Variants in SLC25A12 observed in about 807,000 individuals in gnomAD.
The protein encoded by SLC25A12 is solute carrier family 25 member 12.
A neutral mutation model predicts 83.3 loss-of-function variants in SLC25A12; 32 were observed. The observed-to-expected ratio is 0.38, with a 90% CI of 0.29 to 0.52. SLC25A12 has a LOEUF of 0.52. Ranked by LOEUF, SLC25A12 falls within the 20% of genes least tolerant of loss-of-function variation. SLC25A12 has a pLI of 0.84. For synonymous variants in SLC25A12, 267 were observed against 291.1 expected (o/e 0.92, Z 0.84); for missense variants, 611 against 835.6 (o/e 0.73, Z 3.31).
intron 8 of SLC25A12, among the ~76,000 whole-genome samples, chr2:171,827,610 T>C (rs1684333065): frequency 6.6e-6 from 1 of 152,156 alleles, no homozygotes; most frequent in East Asian, 1.9e-4. Context: ...CCCCGGAAGA[T>C]TTGCAACTAG....
chr2:171,794,766 T>C (rs1202575873), intron 13 of SLC25A12, among the ~76,000 whole-genome samples: 2 of 152,196 alleles, frequency 1.3e-5, no homozygotes, highest in South Asian at 2.1e-4. Context: ...TATTATGTAA[T>C]CATAACCATA....
At chr2:171,830,596 C>T (rs967543358) in intron 8 of SLC25A12, among the ~76,000 whole-genome samples, 3 of 152,170 alleles carry the variant, frequency 2.0e-5, no homozygotes, top group Non-Finnish European at 1.5e-5. Flanking sequence ...TCACTGCAAC[C>T]TCCACCTCCC....
At chr2:171,874,737 G>A (rs1685529029) in intron 2 of SLC25A12, among the ~76,000 whole-genome samples, 1 of 152,106 alleles carries the variant, frequency 6.6e-6, no homozygotes, top group South Asian at 2.1e-4. Context: ...CAACAATGTG[G>A]ATGCAGCTGG....
Position 171,868,675 on chromosome 2 carries a change from A to C in SLC25A12, c.209+6T>G. ...TAGTTTTCAGAAAATGCATGAAGAT[A>C]CTTACCCATCCTTGGTTTGATCAGC... On this transcript the variant is annotated splice_donor_region_variant and intron_variant, in intron 3 of 17. Coordinates refer to ENST00000422440, the MANE Select transcript of SLC25A12 (RefSeq NM_003705.5). The C allele has an allele frequency of 6.2e-7, 1 of 1,613,446 alleles. No individual in the cohort carries two copies. The highest frequency in any genetic ancestry group is 8.5e-7 in the Non-Finnish European group (1 of 1,179,378).
intron 15 of SLC25A12, among the ~76,000 whole-genome samples, chr2:171,789,272 A>G (rs1158420724): frequency 6.6e-6 from 1 of 152,028 alleles, no homozygotes; most frequent in Non-Finnish European, 1.5e-5. Context: ...TCTGTCGCCC[A>G]GGCTGGAGTG....
rs539561836 is a variant in SLC25A12, at chr2:171,885,434, C to T, written c.66+7771G>A. On this transcript the variant is annotated intron_variant, in intron 2 of 17. Coordinates refer to ENST00000422440, the MANE Select transcript of SLC25A12 (RefSeq NM_003705.5). ...GTGGCTCATGCCTGTAATCCCAACACTTTGGGAGGCTGAGGCAGGTGGATC... is the reference window on the plus strand; with the variant it reads ...GTGGCTCATGCCTGTAATCCCAACATTTTGGGAGGCTGAGGCAGGTGGATC... Among the ~76,000 whole-genome samples, 310 of 151,768 alleles carry T rather than the reference C, an allele frequency of 2.0e-3. 10 individuals are homozygous for T. In the South Asian group the frequency reaches 0.062, roughly 30 times the overall value.
intron 9 of SLC25A12, among the ~76,000 whole-genome samples, chr2:171,818,990 A>G (rs1684114414): frequency 6.6e-6 from 1 of 151,092 alleles, no homozygotes; most frequent in African/African-American, 2.4e-5. Flanking sequence ...AACTACATCT[A>G]TGACTTCAAT....
intron 9 of SLC25A12, among the ~76,000 whole-genome samples, chr2:171,816,669 C>T (rs1684056422): frequency 6.6e-6 from 1 of 151,888 alleles, no homozygotes; most frequent in South Asian, 2.1e-4. Flanking sequence ...GATGGAGGGC[C>T]CACTATATTG....
chr2:171,831,930 G>A (rs1468525894), intron 8 of SLC25A12, among the ~76,000 whole-genome samples: 4 of 151,562 alleles, frequency 2.6e-5, no homozygotes, highest in East Asian at 1.9e-4. Context: ...AAAGAAAAAC[G>A]TAACAACAGC....
At chr2:171,832,122 G>A (rs1377238439) in intron 8 of SLC25A12, among the ~76,000 whole-genome samples, 2 of 152,136 alleles carry the variant, frequency 1.3e-5, no homozygotes, top group East Asian at 3.9e-4. Context: ...CCTAGTTCAA[G>A]GCACTTTAAA....
chr2:171,871,511 G>A (rs193001967), intron 2 of SLC25A12, among the ~76,000 whole-genome samples: 12 of 152,278 alleles, frequency 7.9e-5, no homozygotes, highest in East Asian at 3.9e-4. Flanking sequence ...TAGTAGAGAC[G>A]GGTTTCACCG....
At chr2:171,785,647 T>C (rs1008003335) in intron 17 of SLC25A12, among the ~76,000 whole-genome samples, 172 bp from the exon 18 acceptor site, 21 of 152,240 alleles carry the variant, frequency 1.4e-4, no homozygotes, top group Non-Finnish European at 2.9e-4. Context: ...TATAGCTGCT[T>C]TGACAGCAAC....
intron 3 of SLC25A12, among the ~76,000 whole-genome samples, chr2:171,866,470 C>T (rs897331779): frequency 2.8e-5 from 4 of 143,632 alleles, no homozygotes; most frequent in African/African-American, 7.8e-5. Context: ...GGCTGACCCC[C>T]CACCTCCCTC....
chr2:171,805,256 G>A (rs978463629), intron 13 of SLC25A12, among the ~76,000 whole-genome samples: 7 of 151,922 alleles, frequency 4.6e-5, no homozygotes, highest in African/African-American at 1.5e-4. Flanking sequence ...CTGTAGGAAC[G>A]CGCCACTTCA....
chr2:171,827,993 G>T lies in SLC25A12; in HGVS notation c.846-1111C>A, dbSNP rs563923237. On this transcript the variant is annotated intron_variant, in intron 8 of 17. Coordinates refer to ENST00000422440, the MANE Select transcript of SLC25A12 (RefSeq NM_003705.5). The stretch of plus-strand genomic sequence containing the variant: ...CTTTTCCAACACGGGACCCTCCACA[G>T]ACAGCATCTAAGCATGAAGGCAACT... 3.9e-4 allele frequency among the ~76,000 whole-genome samples: 60 copies of T among 152,268 alleles called. No individual in the cohort carries two copies. The Middle Eastern group carries it at 0.014, about 35-fold the overall frequency.
intron 3 of SLC25A12, among the ~76,000 whole-genome samples, chr2:171,866,851 G>C (rs1685331191): frequency 6.7e-6 from 1 of 149,614 alleles, no homozygotes; most frequent in South Asian, 2.1e-4. Flanking sequence ...TGGCTGCCGG[G>C]CGGAGACGCT....
At position 171,787,659 on chromosome 2, in the gene SLC25A12, G is replaced by T; in HGVS notation, c.1747C>A (p.Arg583=). 1 of 1,613,880 alleles carries T rather than the reference G, an allele frequency of 6.2e-7. No homozygotes were observed. The highest frequency in any genetic ancestry group is 8.5e-7 in the Non-Finnish European group (1 of 1,179,786). ...AACTGGGGAGAGGATCGAAACACTCGAGCTGAAAAAGAGAAGCAGGGGCAG... is the reference window on the plus strand; with the variant it reads ...AACTGGGGAGAGGATCGAAACACTCTAGCTGAAAAAGAGAAGCAGGGGCAG... ...PSAFWKGTAA[R]VFRSSPQFGV... The change falls in exon 17 of 18, where the codon CGA becomes AGA. Residue 583 remains arginine, a splice_region_variant and synonymous_variant. Coordinates refer to ENST00000422440, the MANE Select transcript of SLC25A12 (RefSeq NM_003705.5).
intron 3 of SLC25A12, among the ~76,000 whole-genome samples, chr2:171,866,053 CA>C (rs1685288349): frequency 7.4e-6 from 1 of 135,170 alleles, no homozygotes; most frequent in African/African-American, 2.8e-5. Flanking sequence ...TCTTAACGAG[CA>C]TGCTGCCTTC....
chr2:171,847,826 G>T (rs1447287833), intron 4 of SLC25A12, among the ~76,000 whole-genome samples: 46 of 152,150 alleles, frequency 3.0e-4, no homozygotes, highest in Admixed American at 3.0e-3. Flanking sequence ...ATTGAAAAGG[G>T]AACTGGGGCT....
Sources: gnomAD v4.1 joint callset for allele counts (sites outside exome capture counted in the v4.1 genomes callset) on GRCh38, gnomAD v4.1.1 for gene constraint, MANE v1.5 for transcripts, NCBI Gene and HGNC (gene_info 2026-07-23, HGNC 2026-07-21) for gene names.